PDHX: variants seen among roughly 807,000 people sequenced by gnomAD.
The protein encoded by PDHX is pyruvate dehydrogenase protein X component, mitochondrial.
In PDHX, 33 loss-of-function variants were observed where a neutral mutation model predicts 55.3. That is an observed-to-expected ratio of 0.60 (90% CI 0.45 to 0.80). PDHX has a LOEUF of 0.80. PDHX is among the 30% of genes least tolerant of loss of function. The probability of loss-of-function intolerance (pLI) is 0.00; values close to 1 mark genes in which losing one functional copy is unlikely to be tolerated. For synonymous variants in PDHX, 226 were observed against 219.4 expected (o/e 1.03, Z -0.27); for missense variants, 622 against 619.9 (o/e 1.00, Z -0.04).
chr11:34,947,609 A>G lies in PDHX; in HGVS notation c.342+3A>G. 1.3e-6 allele frequency: 2 copies of G among 1,581,790 alleles called. No individual in the cohort carries two copies. The highest frequency in any genetic ancestry group is 1.3e-5 in the African/African-American group (1 of 74,456). On this transcript the variant is annotated splice_donor_region_variant and intron_variant, in intron 3 of 10. Transcript: ENST00000227868. ...ATGGAATCTTGGCCAAAATCGTGGT[A>G]AGTTTTTATTTTAATTTTCTTCAAC...
chr11:34,992,820 A>G (rs1855784667), intron 10 of PDHX, among the ~76,000 whole-genome samples: 1 of 152,180 alleles, frequency 6.6e-6, no homozygotes, highest in Non-Finnish European at 1.5e-5. Flanking sequence ...TGCTATGAAC[A>G]TTCTTATTAG....
At chr11:34,960,284 T>C in intron 4 of PDHX, 136 bp from the exon 5 acceptor site, 5 of 639,340 alleles carry the variant, frequency 7.8e-6, no homozygotes, top group Non-Finnish European at 1.4e-5. Flanking sequence ...TATTTGACTG[T>C]GACCATCTGT....
chr11:34,984,685 ATGC>A lies in PDHX; in HGVS notation c.1147_1149del (p.Ala383del). The stretch of plus-strand genomic sequence containing the variant: ...GGCTTACTTACTCCAATCATAAAAG[ATGC>A]TGCTGCTAAAGGTATCCAGGAAATT... On this transcript the variant is annotated inframe_deletion, in exon 9 of 11. Coordinates refer to ENST00000227868, the MANE Select transcript of PDHX (RefSeq NM_003477.3). 3.7e-6 allele frequency: 6 copies of A among 1,614,122 alleles called. No homozygotes were observed. The highest frequency in any genetic ancestry group is 5.1e-6 in the Non-Finnish European group (6 of 1,179,964).
chr11:34,924,650 A>G (rs1288418525), intron 1 of PDHX, among the ~76,000 whole-genome samples: 2 of 152,152 alleles, frequency 1.3e-5, no homozygotes, highest in Admixed American at 6.5e-5. Context: ...TCCAGTACCT[A>G]TTCTCTAAAT....
intron 1 of PDHX, among the ~76,000 whole-genome samples, chr11:34,919,533 A>G (rs1853823784): frequency 6.6e-6 from 1 of 152,184 alleles, no homozygotes; most frequent in South Asian, 2.1e-4. Flanking sequence ...AGAATTTCTC[A>G]TTCACTTCTC....
chr11:34,971,561 T>A (rs1855258648), intron 7 of PDHX, among the ~76,000 whole-genome samples: 1 of 152,202 alleles, frequency 6.6e-6, no homozygotes, highest in Non-Finnish European at 1.5e-5. Flanking sequence ...TTCCTTTTTC[T>A]GTCTGTTAAT....
chr11:34,958,306 G>A (rs1854948913), intron 4 of PDHX, among the ~76,000 whole-genome samples: 1 of 152,018 alleles, frequency 6.6e-6, no homozygotes, highest in Non-Finnish European at 1.5e-5. Context: ...AGGGGGGGGC[G>A]TGCGGAGGTG....
rs768914746 is a variant in PDHX, at chr11:34,950,370, TTTA to T, written c.342+2784_342+2786del. On this transcript the variant is annotated intron_variant, in intron 3 of 10. Transcript: ENST00000227868. Reference sequence around the variant, plus strand: ...AATGTTTGTTTATTTATTTATTTATTTTATTATTATTATTATTATTATACTTTA... The same window carrying T: ...AATGTTTGTTTATTTATTTATTTATTTTATTATTATTATTATTATACTTTA... Among the ~76,000 whole-genome samples the T allele has an allele frequency of 6.7e-3, 998 of 149,714 alleles. 5 individuals carry two copies. The highest frequency in any genetic ancestry group is 0.022 in the African/African-American group (889 of 41,082).
chr11:34,933,343 T>C (rs904550069), intron 2 of PDHX, among the ~76,000 whole-genome samples: 3 of 152,198 alleles, frequency 2.0e-5, no homozygotes, highest in Non-Finnish European at 2.9e-5. Flanking sequence ...ATGGCCCTAA[T>C]AGATTATAAC....
chr11:34,950,925 G>C (rs1293398563), intron 3 of PDHX, among the ~76,000 whole-genome samples: 1 of 149,864 alleles, frequency 6.7e-6, no homozygotes, highest in Non-Finnish European at 1.5e-5. Context: ...GGTATTTCTA[G>C]TTCTAGATCC....
intron 2 of PDHX, among the ~76,000 whole-genome samples, chr11:34,943,731 C>T (rs1854550024): frequency 6.6e-6 from 1 of 152,190 alleles, no homozygotes. Flanking sequence ...TTCCTGTTCT[C>T]TCTGCCTCCA....
rs1855000870 is a variant in PDHX at position 34,960,479 on chromosome 11, A to G, written c.602A>G (p.Gln201Arg). 2.5e-6 allele frequency: 4 copies of G among 1,613,398 alleles called. No homozygotes were observed. The highest frequency in any genetic ancestry group is 3.4e-6 in the Non-Finnish European group (4 of 1,179,488). Residue 201 changes from glutamine to arginine, a missense_variant, in exon 5 of 11, where the codon CAG becomes CGG. Gln to Arg is a conservative substitution (Grantham distance 43). Transcript: ENST00000227868. ...ILEKHSLDAS[Q>R]GTATGPRGIF... ...GAAAAACACTCACTGGATGCTAGCC[A>G]GGGCACAGCCACTGGCCCTCGGGGG...
At chr11:34,991,041 C>A (rs1855746150) in intron 9 of PDHX, among the ~76,000 whole-genome samples, 1 of 152,138 alleles carries the variant, frequency 6.6e-6, no homozygotes, top group Non-Finnish European at 1.5e-5. Flanking sequence ...GACTCAACCT[C>A]TGTTCCCTTG....
At chr11:34,922,016 G>A (rs1853893302) in intron 1 of PDHX, among the ~76,000 whole-genome samples, 1 of 152,300 alleles carries the variant, frequency 6.6e-6, no homozygotes, top group East Asian at 1.9e-4. Context: ...GACCACTTTG[G>A]AACTGTGCAC....
At chr11:34,947,665 T>C (rs1854656969) in intron 3 of PDHX, 59 bp downstream of exon 3, 2 of 1,131,392 alleles carry the variant, frequency 1.8e-6, no homozygotes, top group Admixed American at 1.7e-5. Flanking sequence ...GGAAAGTTCA[T>C]TGTAGTAAAA....
At chr11:34,943,823 G>A (rs1854552901) in intron 2 of PDHX, among the ~76,000 whole-genome samples, 1 of 152,078 alleles carries the variant, frequency 6.6e-6, no homozygotes, top group South Asian at 2.1e-4. Context: ...GCTCAGAATA[G>A]GTGGTCATTG....
intron 2 of PDHX, among the ~76,000 whole-genome samples, chr11:34,939,102 G>A (rs1854408790): frequency 6.6e-6 from 1 of 151,574 alleles, no homozygotes; most frequent in Middle Eastern, 3.2e-3. Context: ...ATATGTTTAA[G>A]TATGCCTGGT....
In PDHX at chr11:34,995,304, C is replaced by A. The variant is rs1231458679; in HGVS notation, c.*132C>A. On this transcript the variant is annotated 3_prime_UTR_variant, in exon 11 of 11. Transcript: ENST00000227868. ...AATGTTTATTTATTTAAGGTGAAAG[C>A]ATTTGACCCAGGGTGTCTTCATCTT... 1 of 1,012,484 alleles carries A rather than the reference C, an allele frequency of 9.9e-7. No individual in the cohort carries two copies. The highest frequency in any genetic ancestry group is 1.5e-6 in the Non-Finnish European group (1 of 653,010). The allele number at this position is 1,012,484 out of a possible 1,614,324, so 62.7% of individuals were successfully genotyped here.
At chr11:34,944,095 A>G (rs539191901) in intron 2 of PDHX, among the ~76,000 whole-genome samples, 8 of 145,638 alleles carry the variant, frequency 5.5e-5, no homozygotes, top group South Asian at 2.2e-4. Context: ...GTGTGTGTGT[A>G]TATATATATA....
Sources: gnomAD v4.1 joint callset for allele counts (sites outside exome capture counted in the v4.1 genomes callset) on GRCh38, gnomAD v4.1.1 for gene constraint, MANE v1.5 for transcripts, NCBI Gene and HGNC (gene_info 2026-07-23, HGNC 2026-07-21) for gene names.